The following PEMT variants were observed in gnomAD, a reference collection of about 807,000 sequenced individuals.
PEMT encodes the protein phospholipid methyltransferase.
A neutral mutation model predicts 27.4 loss-of-function variants in PEMT; 23 were observed. The ratio of observed to expected loss-of-function variants is 0.84; its 90% CI spans 0.60 to 1.19. The LOEUF (loss-of-function observed/expected upper bound fraction) is 1.19, where lower values mean the gene tolerates loss of function less well. Ranked by LOEUF, PEMT falls within the 50% of genes most tolerant of loss-of-function variation. The pLI is 0.00. For missense variants in PEMT, 307 were observed against 310.1 expected (o/e 0.99, Z 0.07); for synonymous variants, 137 against 139.1 (o/e 0.98, Z 0.11).
At chr17:17,562,463 C>T (rs1195998405) in intron 2 of PEMT, among the ~76,000 whole-genome samples, 3 of 152,184 alleles carry the variant, frequency 2.0e-5, no homozygotes, top group Non-Finnish European at 2.9e-5. Context: ...AAGACAGCTG[C>T]ACTCCCTTGA....
chr17:17,588,429 C>T (rs1428317456), intron 1 of PEMT, among the ~76,000 whole-genome samples: 1 of 152,142 alleles, frequency 6.6e-6, no homozygotes, highest in Admixed American at 6.5e-5. Context: ...GTGTCCCCTG[C>T]CCCAGGTCTC....
chr17:17,531,555 A>C (rs1414258190), intron 2 of PEMT, among the ~76,000 whole-genome samples: 1 of 148,562 alleles, frequency 6.7e-6, no homozygotes, highest in Non-Finnish European at 1.5e-5. Flanking sequence ...ACAAAGTGCT[A>C]AGGCAATTCA....
At chr17:17,539,933 GGCAGGGAGCTCACAGCCTCCAC>G (rs1421870658) in intron 2 of PEMT, among the ~76,000 whole-genome samples, 2 of 152,236 alleles carry the variant, frequency 1.3e-5, no homozygotes, top group Non-Finnish European at 1.5e-5. Flanking sequence ...CCACGCAGGT[GGCAGGGAGCTCACAGCCTCCAC>G]GCAGGAGGCT....
intron 1 of PEMT, among the ~76,000 whole-genome samples, chr17:17,579,495 T>C (rs1343361200): frequency 2.0e-5 from 3 of 152,016 alleles, no homozygotes; most frequent in Admixed American, 2.0e-4. Context: ...CTGGCCAACA[T>C]AGTGAAACCC....
At chr17:17,515,280 A>G (rs4646405) in intron 3 of PEMT, among the ~76,000 whole-genome samples, 95,313 of 152,132 alleles carry the variant, frequency 0.63, 30,619 homozygotes, top group African/African-American at 0.77. Flanking sequence ...AGCCCAGCTC[A>G]TTCAGGGCCC....
In PEMT at chr17:17,505,602, G is replaced by A; in HGVS notation, c.*189C>T. ...CCTTTATTGGTGAATGGGAATGTGTGGGTTGGAGCTCAATGGCCATATGTC... is the reference window on the plus strand; with the variant it reads ...CCTTTATTGGTGAATGGGAATGTGTAGGTTGGAGCTCAATGGCCATATGTC... On this transcript the variant is annotated 3_prime_UTR_variant, in exon 7 of 7. Coordinates refer to ENST00000255389, the MANE Select transcript of PEMT (RefSeq NM_148172.3). The A allele has an allele frequency of 2.0e-6, 1 of 491,440 alleles. No homozygotes were observed. Among genetic ancestry groups the A allele is most frequent in the Non-Finnish European group, 3.4e-6 (1 of 291,060 alleles). 30.4% of individuals were successfully genotyped at this position (491,440 alleles called of 1,614,324 possible). A position where few individuals can be genotyped will look rare whatever the true frequency, so the allele number is the denominator to read the frequency against.
At chr17:17,538,740 A>G (rs550671993) in intron 2 of PEMT, among the ~76,000 whole-genome samples, 36 of 152,350 alleles carry the variant, frequency 2.4e-4, no homozygotes, top group African/African-American at 8.4e-4. Flanking sequence ...AAAGCAACTG[A>G]AAAAGTAGCT....
chr17:17,567,315 C>G (rs1046663137), intron 2 of PEMT, among the ~76,000 whole-genome samples: 1 of 152,276 alleles, frequency 6.6e-6, no homozygotes, highest in Non-Finnish European at 1.5e-5. Flanking sequence ...TACACTTTGT[C>G]ACCACGTTGC....
chr17:17,545,715 T>C lies in PEMT; in HGVS notation c.205-23320A>G, dbSNP rs187495232. Among the ~76,000 whole-genome samples, 936 of 152,296 alleles carry C rather than the reference T, an allele frequency of 6.1e-3. 7 individuals carry two copies. Among genetic ancestry groups the C allele is most frequent in the Middle Eastern group, 6.8e-3 (2 of 294 alleles). ...CTCAAAATGTTCTCTTTTGTGATAA[T>C]GAAGTTGTGCTGAGGTAGGAAATGT... On this transcript the variant is annotated intron_variant, in intron 2 of 6. Coordinates refer to ENST00000255389, the MANE Select transcript of PEMT (RefSeq NM_148172.3).
intron 2 of PEMT, among the ~76,000 whole-genome samples, chr17:17,539,920 T>G (rs535852128): frequency 1.3e-5 from 2 of 152,132 alleles, no homozygotes; most frequent in Non-Finnish European, 2.9e-5. Context: ...CAGGAAAGAC[T>G]GACCACGCAG....
In PEMT at chr17:17,506,367, C is replaced by T. The variant is rs1905845987; in HGVS notation, c.579-66G>A. ...GTCTCTCAGGGCCACGGCCCACCTG[C>T]CCAGGCTGGCCCTTCCTGCCGTGAC... On this transcript the variant is annotated intron_variant, in intron 5 of 6. Coordinates refer to ENST00000255389, the MANE Select transcript of PEMT (RefSeq NM_148172.3). 9 of 1,226,032 alleles carry T rather than the reference C, an allele frequency of 7.3e-6. No homozygotes were observed. The Admixed American group carries it at 1.6e-4, about 21-fold the overall frequency. The allele number at this position is 1,226,032 out of a possible 1,614,324, so 75.9% of individuals were successfully genotyped here.
chr17:17,588,104 G>A (rs1912412598), intron 1 of PEMT, among the ~76,000 whole-genome samples: 1 of 152,136 alleles, frequency 6.6e-6, no homozygotes. Flanking sequence ...ACAGAGGCAG[G>A]GGAAACAAGC....
At chr17:17,584,422 G>C (rs1912135891) in intron 1 of PEMT, among the ~76,000 whole-genome samples, 1 of 152,166 alleles carries the variant, frequency 6.6e-6, no homozygotes, top group Non-Finnish European at 1.5e-5. Flanking sequence ...GCCTCCCAAA[G>C]TGCCGAGGGA....
chr17:17,552,382 G>A (rs1361500491), intron 2 of PEMT, among the ~76,000 whole-genome samples: 2 of 152,212 alleles, frequency 1.3e-5, no homozygotes, highest in Non-Finnish European at 2.9e-5. Context: ...GAGGGTCCTG[G>A]GTAAATGGGT....
chr17:17,560,849 C>T (rs568238907), intron 2 of PEMT, among the ~76,000 whole-genome samples: 55 of 151,920 alleles, frequency 3.6e-4, no homozygotes, highest in Admixed American at 6.5e-4. Context: ...CCACCTCACC[C>T]CACCCTCACC....
At chr17:17,541,404 G>T (rs1908875470) in intron 2 of PEMT, among the ~76,000 whole-genome samples, 1 of 152,228 alleles carries the variant, frequency 6.6e-6, no homozygotes, top group Non-Finnish European at 1.5e-5. Flanking sequence ...GAGCATCGTG[G>T]ACCGTGGCCC....
At position 17,582,924 on chromosome 17, in the gene PEMT, T is replaced by TGGTGGTGC. The variant is rs1912053123; in HGVS notation, c.97-5905_97-5898dup. On this transcript the variant is annotated intron_variant, in intron 1 of 6. Transcript: ENST00000255389. This position sits in a 1 kb window ranked among gnomAD's most constrained non-coding sequence, Gnocchi z 4.9. ...TAAAAATACAAAAATTAGCTGGACA[T>TGGTGGTGC]GGTGGTGCACGACTGTAGTCCCAGC... 6.6e-6 allele frequency among the ~76,000 whole-genome samples: 1 copy of TGGTGGTGC among 151,940 alleles called. No individual in the cohort carries two copies. Among genetic ancestry groups the TGGTGGTGC allele is most frequent in the Non-Finnish European group, 1.5e-5 (1 of 67,980 alleles).
Position 17,576,969 on chromosome 17 carries a change from A to G in PEMT, c.155T>C (p.Phe52Ser). 3.7e-6 allele frequency: 6 copies of G among 1,614,112 alleles called. No homozygotes were observed. The highest frequency in any genetic ancestry group is 5.1e-6 in the Non-Finnish European group (6 of 1,180,010). ...GGTGATGGTGATGACGGCAGCCACA[A>G]AGCTGGGATCCAGGGGGTCCACGTA... ...LGYVDPLDPS[F>S]VAAVITITFN... The change falls in exon 2 of 7, where the codon TTT (phenylalanine) becomes TCT (serine). Residue 52 changes from phenylalanine to serine, a missense_variant. Physicochemically the swap from Phe to Ser is radical, Grantham distance 155. Transcript: ENST00000255389.
intron 3 of PEMT, among the ~76,000 whole-genome samples, chr17:17,520,599 G>A (rs60654896): frequency 4.6e-4 from 70 of 152,352 alleles, no homozygotes; most frequent in African/African-American, 1.6e-3. Flanking sequence ...CTGTGCAGAC[G>A]CACAGGCCCC....
Sources: gnomAD v4.1 joint callset for allele counts (sites outside exome capture counted in the v4.1 genomes callset) on GRCh38, gnomAD v4.1.1 for gene constraint, Gnocchi (gnomAD v3.1) non-coding constraint, MANE v1.5 for transcripts, NCBI Gene and HGNC (gene_info 2026-07-23, HGNC 2026-07-21) for gene names.